Variants in CLBA1 observed in about 807,000 individuals in gnomAD.
CLBA1 encodes the protein clathrin binding box of aftiphilin containing 1, also known as uncharacterized protein CLBA1.
CLBA1 carries 30 observed loss-of-function variants against 28.8 expected under a neutral mutation model. The observed-to-expected ratio is 1.04, with a 90% CI of 0.78 to 1.41. The LOEUF is 1.41. Ranked by LOEUF, CLBA1 falls within the 40% of genes most tolerant of loss-of-function variation. The probability of loss-of-function intolerance (pLI) is 0.00; values close to 1 mark genes in which losing one functional copy is unlikely to be tolerated. For synonymous variants in CLBA1, 160 were observed against 152.8 expected (o/e 1.05, Z -0.35); for missense variants, 451 against 412.3 (o/e 1.09, Z -0.81).
chr14:104,988,986 A>G lies in CLBA1; in HGVS notation c.467A>G (p.Glu156Gly). The change falls in exon 2 of 5, where the codon GAA (glutamate) becomes GGA (glycine). Residue 156 changes from glutamate (E) to glycine (G), a missense_variant. Physicochemically the swap from Glu to Gly is moderately conservative, Grantham distance 98. Coordinates refer to ENST00000547315, the MANE Select transcript of CLBA1 (RefSeq NM_174891.4). The stretch of plus-strand genomic sequence containing the variant: ...AACATTTTAAAGTGTGCTTTTCAAG[A>G]AATAACAGTCCAGCAGGCAGCTGAA... ...YENILKCAFQ[E>G]ITVQQAAEDV... The G allele has an allele frequency of 6.2e-7, 1 of 1,613,258 alleles. No individual in the cohort carries two copies. Among genetic ancestry groups the G allele is most frequent in the Middle Eastern group, 1.7e-4 (1 of 6,058 alleles).
chr14:105,001,099 C>T (rs1900258980), intron 2 of CLBA1, among the ~76,000 whole-genome samples: 1 of 150,432 alleles, frequency 6.6e-6, no homozygotes, highest in Admixed American at 6.6e-5. Context: ...ATGAAATCCT[C>T]TCATTTGCAA....
rs997257821 is a variant in CLBA1, at chr14:104,994,819, T to C, written c.*60T>C. On this transcript the variant is annotated 3_prime_UTR_variant, in exon 5 of 5. Coordinates refer to ENST00000547315, the MANE Select transcript of CLBA1 (RefSeq NM_174891.4). ...TTCATTTTCTTCCTGGCTGGGTTGATGTGGAAACCAGAGCTGTCTGTGGAG... is the reference window on the plus strand; with the variant it reads ...TTCATTTTCTTCCTGGCTGGGTTGACGTGGAAACCAGAGCTGTCTGTGGAG... 71 of 1,547,744 alleles carry C rather than the reference T, an allele frequency of 4.6e-5. No homozygotes were observed. In the Admixed American group the frequency reaches 1.3e-3, roughly 28 times the overall value.
chr14:104,996,129 G>T (rs1900151607), downstream of CLBA1, among the ~76,000 whole-genome samples: 1 of 152,196 alleles, frequency 6.6e-6, no homozygotes, highest in South Asian at 2.1e-4. Flanking sequence ...CTGGATGTTG[G>T]TGACCCACAG....
In CLBA1 at chr14:104,986,429, A is replaced by C; in HGVS notation, c.-3A>C. 6.2e-7 allele frequency: 1 copy of C among 1,611,540 alleles called. No individual in the cohort carries two copies. The highest frequency in any genetic ancestry group is 1.1e-5 in the South Asian group (1 of 91,058). On this transcript the variant is annotated 5_prime_UTR_variant, in exon 1 of 5. Transcript: ENST00000547315. ...GGGCCTCTGCTGGCCTGGGGGCTCC[A>C]AGATGCAAGGCCGGCGGGAGCTGGG...
chr14:104,991,765 T>A (rs1334896211), intron 3 of CLBA1, 145 bp downstream of exon 3: 1 of 972,722 alleles, frequency 1.0e-6, no homozygotes, highest in Non-Finnish European at 1.5e-6. Flanking sequence ...CCCATAAACG[T>A]GTCAGGGCCA....
At chr14:104,993,753 A>G (rs1418463190) in intron 4 of CLBA1, 31 of 985,332 alleles carry the variant, frequency 3.1e-5, no homozygotes, top group Admixed American at 6.1e-5. Flanking sequence ...CTCACCCTGG[A>G]GACCCAGGAC....
chr14:104,997,051 A>G (rs1183628030), downstream of CLBA1, among the ~76,000 whole-genome samples: 4 of 152,350 alleles, frequency 2.6e-5, no homozygotes, highest in African/African-American at 7.2e-5. Flanking sequence ...TGAGCAGTAG[A>G]AGCAGAGTCA....
chr14:104,986,891 G>C (rs140356012), intron 1 of CLBA1, 37 bp downstream of exon 1: 1 of 1,599,880 alleles, frequency 6.3e-7, no homozygotes, highest in Non-Finnish European at 8.5e-7. Context: ...TGTTGAGTGG[G>C]ACGTGTACAC....
Position 104,993,040 on chromosome 14 carries a change from T to C in CLBA1, c.792T>C (p.His264=). The change falls in exon 4 of 5, where the codon CAT becomes CAC. Residue 264 remains histidine (H), a synonymous_variant. Transcript: ENST00000547315. ...CTGTCAGCAGCTTCTGTCTCCAGCA[T>C]TGCAAAGCCCTGATCCAGACCAAGG... ...LLTVSSFCLQ[H]CKALIQTKLS... is the part of the protein sequence containing the mutation. 1.9e-6 allele frequency: 3 copies of C among 1,613,982 alleles called. No individual in the cohort carries two copies. Among genetic ancestry groups the C allele is most frequent in the South Asian group, 1.1e-5 (1 of 91,070 alleles).
chr14:104,997,646 C>CCACG (rs1478859408), downstream of CLBA1, among the ~76,000 whole-genome samples: 1 of 152,194 alleles, frequency 6.6e-6, no homozygotes, highest in African/African-American at 2.4e-5. Flanking sequence ...CACCAGAAGG[C>CCACG]CACGCACGCA....
Position 104,993,633 on chromosome 14 carries a change from C to G in CLBA1, c.816+569C>G, listed in dbSNP as rs1445024495. 7.1e-6 allele frequency: 7 copies of G among 985,266 alleles called. No individual in the cohort carries two copies. In the African/African-American group the frequency reaches 1.0e-4, roughly 15 times the overall value. The allele number at this position is 985,266 out of a possible 1,614,324, so 61.0% of individuals were successfully genotyped here. On this transcript the variant is annotated intron_variant, in intron 4 of 4. Transcript: ENST00000547315. ...AGGGGACTTCTTCTTGCAGCTCTCT[C>G]TTTTATCAGGGGGAAGAAAAGCTTT...
intron 4 of CLBA1, chr14:104,993,415 T>C (rs1161320670): frequency 1.0e-6 from 1 of 985,224 alleles, no homozygotes; most frequent in Non-Finnish European, 1.2e-6. Context: ...GCTGTGACTG[T>C]TGGGCCAGGG....
downstream of CLBA1, among the ~76,000 whole-genome samples, chr14:104,995,751 G>A (rs935151372): frequency 2.6e-5 from 4 of 152,206 alleles, no homozygotes; most frequent in Admixed American, 2.0e-4. Flanking sequence ...CCCTGGCCTC[G>A]GCCACCCAGC....
intron 4 of CLBA1, chr14:104,994,061 A>G: frequency 1.0e-6 from 1 of 985,338 alleles, no homozygotes. Context: ...GACAGGTGCC[A>G]TGGGGCAACA....
chr14:105,000,031 A>G (rs2140902615), downstream of CLBA1, among the ~76,000 whole-genome samples: 1 of 152,352 alleles, frequency 6.6e-6, no homozygotes, highest in South Asian at 2.1e-4. Context: ...CAGCTCTCGC[A>G]TGACTCCTGA....
Position 104,991,435 on chromosome 14 carries a change from T to C in CLBA1, c.570-56T>C, listed in dbSNP as rs1443476626. On this transcript the variant is annotated intron_variant, in intron 2 of 4. Transcript: ENST00000547315. ...GCTGCGTGCCTCGGGCCGTGCCTCA[T>C]GATCTCCTCAGAAGGCTCTCAAGGT... 10 of 1,607,190 alleles carry C rather than the reference T, an allele frequency of 6.2e-6. No individual in the cohort carries two copies. In the East Asian group the frequency reaches 1.8e-4, roughly 29 times the overall value.
At chr14:104,996,634 G>A (rs1900161523), downstream of CLBA1, among the ~76,000 whole-genome samples, 1 of 152,252 alleles carries the variant, frequency 6.6e-6, no homozygotes, top group Non-Finnish European at 1.5e-5. Context: ...CAAGGCGAGG[G>A]GCTGGAATGG....
rs773962698 is a variant in CLBA1 at position 104,986,453 on chromosome 14, G to T, written c.22G>T (p.Gly8Trp). Residue 8 changes from glycine to tryptophan, a missense_variant, in exon 1 of 5, where the codon GGG (glycine) becomes TGG (tryptophan). Gly to Trp is a radical substitution (Grantham distance 184, BLOSUM62 -2). Transcript: ENST00000547315. ...CAAGATGCAAGGCCGGCGGGAGCTG[G>T]GGGGAGAGCCTTTGAGTGACCTCCA... MQGRREL[G>W]GEPLSDLQEE... is the part of the protein sequence containing the mutation. 1.4e-5 allele frequency: 23 copies of T among 1,612,744 alleles called. No individual in the cohort carries two copies. Among genetic ancestry groups the T allele is most frequent in the African/African-American group, 5.3e-5 (4 of 74,924 alleles).
downstream of CLBA1, chr14:104,999,456 G>T (rs1165566142): frequency 6.4e-6 from 1 of 156,632 alleles, no homozygotes; most frequent in Non-Finnish European, 1.4e-5. Context: ...AGATGCCCAA[G>T]GACCCAGCTG....
Sources: gnomAD v4.1 joint callset for allele counts (sites outside exome capture counted in the v4.1 genomes callset) on GRCh38, gnomAD v4.1.1 for gene constraint, MANE v1.5 for transcripts, NCBI Gene and HGNC (gene_info 2026-07-23, HGNC 2026-07-21) for gene names.